The following TEX101 variants were observed in gnomAD, a reference collection of about 807,000 sequenced individuals.
TEX101 encodes testis-expressed protein 101.
TEX101 carries 10 observed loss-of-function variants against 18.1 expected under a neutral mutation model. The observed-to-expected ratio is 0.55, with a 90% CI of 0.34 to 0.94. TEX101 has a LOEUF of 0.94. Among genes scored for constraint, TEX101 ranks in the 40% least tolerant of loss-of-function variants. TEX101 has a pLI of 0.02. For synonymous variants in TEX101, 94 were observed against 114.8 expected, an observed-to-expected ratio of 0.82 and a Z score of 1.16; for missense variants, 259 against 298.9, an observed-to-expected ratio of 0.87 and a Z score of 0.98.
intron 1 of TEX101, 112 bp downstream of exon 1, chr19:43,415,150 G>C (rs1196538970): frequency 7.4e-6 from 6 of 808,608 alleles, no homozygotes; most frequent in Non-Finnish European, 7.5e-6. Flanking sequence ...CGCAGGAAAA[G>C]GTGGTTGGAA....
upstream of TEX101, among the ~76,000 whole-genome samples, chr19:43,397,786 ATTTT>A: frequency 8.2e-6 from 1 of 122,154 alleles, no homozygotes; most frequent in Non-Finnish European, 1.6e-5. Flanking sequence ...ATGTATATAT[ATTTT>A]TATATATTTA....
At position 43,418,079 on chromosome 19, in the gene TEX101, A is replaced by G; in HGVS notation, c.520+73A>G. On this transcript the variant is annotated intron_variant, in intron 5 of 5. Transcript: ENST00000598265. ...TGAGTGGCTCCCCAGAGATTCTGAC[A>G]CTGAGCTCTCCAGGGATGAGGGGGG... 1.9e-6 allele frequency: 3 copies of G among 1,612,696 alleles called. No homozygotes were observed. The East Asian group carries it at 6.7e-5, about 36-fold the overall frequency.
At chr19:43,411,851 G>A (rs1464926346), upstream of TEX101, among the ~76,000 whole-genome samples, 7 of 151,916 alleles carry the variant, frequency 4.6e-5, no homozygotes, top group Admixed American at 2.0e-4. Context: ...GGGTTTCACC[G>A]TGTTGGTGAA....
rs761316843 is a variant in TEX101, at chr19:43,416,417, G to C, written c.253G>C (p.Gly85Arg). Residue 85 changes from glycine to arginine, a missense_variant, in exon 4 of 6, where the codon GGG becomes CGG. Coordinates refer to ENST00000598265, the MANE Select transcript of TEX101 (RefSeq NM_001130011.3). Reference protein sequence around the residue: ...ILATKGCIPEGEEAITIVQHS... With the variant: ...ILATKGCIPEREEAITIVQHS... ...GGCCACGAAGGGCTGCATCCCGGAAGGGGAGGAGGCCATAACAATTGTCCA... is the reference window on the plus strand; with the variant it reads ...GGCCACGAAGGGCTGCATCCCGGAACGGGAGGAGGCCATAACAATTGTCCA... 2 of 1,614,058 alleles carry C rather than the reference G, an allele frequency of 1.2e-6. No homozygotes were observed. The highest frequency in any genetic ancestry group is 1.7e-6 in the Non-Finnish European group (2 of 1,180,032).
rs773295438 is a variant in TEX101 at position 43,418,241 on chromosome 19, A to G, written c.594A>G (p.Leu198=). The part of the protein sequence containing the change: ...MIGCRLMSGI[L]AVGPMFVREA... The stretch of plus-strand genomic sequence containing the variant: ...GCTGCAGGCTGATGTCTGGAATCTT[A>G]GCAGTAGGACCCATGTTTGTGAGGG... The change falls in exon 6 of 6, where the codon TTA becomes TTG. Residue 198 remains leucine (L), a synonymous_variant. Transcript: ENST00000598265. 1.9e-6 allele frequency: 3 copies of G among 1,614,204 alleles called. No homozygotes were observed. The highest frequency in any genetic ancestry group is 3.3e-5 in the Admixed American group (2 of 60,024).
upstream of TEX101, chr19:43,414,725 C>G (rs563131394): frequency 4.8e-6 from 3 of 628,798 alleles, no homozygotes; most frequent in South Asian, 2.1e-4. Context: ...CCGCCACTCA[C>G]CTTCCGAGCA....
At chr19:43,406,924 G>GTTTTTTT (rs201495986) in intron 3 of TEX101, among the ~76,000 whole-genome samples, 3 of 101,966 alleles carry the variant, frequency 2.9e-5, no homozygotes, top group African/African-American at 4.4e-5. Flanking sequence ...TTTTGTCTTT[G>GTTTTTTT]TTTTTTGTTT....
the TEX101 span, among the ~76,000 whole-genome samples, chr19:43,394,579 T>C: frequency 1.3e-5 from 2 of 151,884 alleles, no homozygotes; most frequent in East Asian, 1.9e-4. Context: ...CAAGCGATTC[T>C]CCTGCCTCGG....
chr19:43,399,464 C>G (rs574016413), upstream of TEX101, among the ~76,000 whole-genome samples: 1 of 152,056 alleles, frequency 6.6e-6, no homozygotes, highest in South Asian at 2.1e-4. Flanking sequence ...TCCAAAATGG[C>G]AATTATCTAA....
chr19:43,394,180 T>C, the TEX101 span, among the ~76,000 whole-genome samples: 2 of 151,856 alleles, frequency 1.3e-5, no homozygotes, highest in African/African-American at 2.4e-5. Context: ...AGTTTTATGC[T>C]TCTTTTTTTC....
the TEX101 span, among the ~76,000 whole-genome samples, chr19:43,388,809 A>G: frequency 1.3e-5 from 2 of 152,170 alleles, no homozygotes; most frequent in Admixed American, 6.5e-5. Context: ...TCATAAGACA[A>G]GTTTCTTTTA....
At chr19:43,409,391 A>AAACTT (rs1302285361) in intron 3 of TEX101, among the ~76,000 whole-genome samples, 4 of 152,218 alleles carry the variant, frequency 2.6e-5, no homozygotes, top group Non-Finnish European at 5.9e-5. Flanking sequence ...CCATTAGACC[A>AAACTT]AACTTAAAGT....
chr19:43,393,802 A>T, the TEX101 span, among the ~76,000 whole-genome samples: 6,052 of 139,256 alleles, frequency 0.043, 171 homozygotes, highest in Middle Eastern at 0.082. Flanking sequence ...GGTGCGGAGC[A>T]GGGGTTCAAA....
upstream of TEX101, among the ~76,000 whole-genome samples, chr19:43,397,526 AC>A (rs1297791207): frequency 6.6e-6 from 1 of 151,650 alleles, no homozygotes; most frequent in Non-Finnish European, 1.5e-5. Context: ...TACCAAGAAT[AC>A]CCACATCCTC....
intron 2 of TEX101, among the ~76,000 whole-genome samples, chr19:43,404,186 T>C (rs1025944567): frequency 2.0e-5 from 3 of 151,770 alleles, no homozygotes; most frequent in African/African-American, 4.8e-5. Context: ...TGATTCTTTA[T>C]GAAGGATTAG....
chr19:43,390,956 C>T, the TEX101 span, among the ~76,000 whole-genome samples: 5 of 152,108 alleles, frequency 3.3e-5, no homozygotes, highest in Admixed American at 1.3e-4. Flanking sequence ...TCTGTCTATG[C>T]ATTTCACGAC....
chr19:43,389,996 C>T, the TEX101 span, among the ~76,000 whole-genome samples: 2 of 152,132 alleles, frequency 1.3e-5, no homozygotes, highest in Admixed American at 6.5e-5. Flanking sequence ...AGGCCTCCTC[C>T]GGCCATGGCC....
chr19:43,415,308 G>T (rs1387214718), intron 1 of TEX101, among the ~76,000 whole-genome samples: 3 of 152,040 alleles, frequency 2.0e-5, no homozygotes, highest in Non-Finnish European at 4.4e-5. Flanking sequence ...GCGGCCTTCA[G>T]GGCCACACTC....
intron 4 of TEX101, among the ~76,000 whole-genome samples, chr19:43,417,223 G>A (rs555390110): frequency 6.6e-6 from 1 of 151,986 alleles, no homozygotes; most frequent in South Asian, 2.1e-4. Flanking sequence ...CTCATTTACT[G>A]TGTGCTAACT....
Sources: gnomAD v4.1 joint callset for allele counts (sites outside exome capture counted in the v4.1 genomes callset) on GRCh38, gnomAD v4.1.1 for gene constraint, MANE v1.5 for transcripts, NCBI Gene and HGNC (gene_info 2026-07-23, HGNC 2026-07-21) for gene names.